The following ZNF682 variants were observed in gnomAD, a reference collection of about 807,000 sequenced individuals.
The protein encoded by ZNF682 is zinc finger protein 682.
ZNF682 carries 29 observed loss-of-function variants against 36.5 expected under a neutral mutation model. The ratio of observed to expected loss-of-function variants is 0.80; its 90% CI spans 0.59 to 1.08. ZNF682 has a LOEUF of 1.08. ZNF682 is among the 50% of genes least tolerant of loss of function. The pLI, the probability that ZNF682 is intolerant of heterozygous loss-of-function variation, is 0.00. For missense variants in ZNF682, 561 were observed against 579.7 expected (o/e 0.97, Z 0.33); for synonymous variants, 180 against 197.0 (o/e 0.91, Z 0.72).
intron 3 of ZNF682, among the ~76,000 whole-genome samples, chr19:20,009,193 A>G (rs2088259365): frequency 6.6e-6 from 1 of 152,182 alleles, no homozygotes; most frequent in Non-Finnish European, 1.5e-5. Flanking sequence ...CACAACTTTA[A>G]AAGTTGAAAA....
chr19:20,030,799 C>A (rs749498125), intron 1 of ZNF682: 1 of 152,180 alleles, frequency 6.6e-6, no homozygotes, highest in Non-Finnish European at 1.5e-5. Context: ...TTTTTCTAAT[C>A]GCCATATGAA....
chr19:20,006,898 T>C lies in ZNF682; in HGVS notation c.604A>G (p.Ile202Val), dbSNP rs754869511. Reference protein sequence around the residue: ...KIIHTEEKLCICEECGKTFKW... With the variant: ...KIIHTEEKLCVCEECGKTFKW... ...AAGGTTTTGCCACATTCCTCACATA[T>C]GCAGAGTTTCTCTTCAGTGTGAATT... Residue 202 changes from isoleucine to valine, a missense_variant, in exon 4 of 4, where the codon ATA becomes GTA. Ile to Val is a conservative substitution (Grantham distance 29). Coordinates refer to ENST00000397165, the MANE Select transcript of ZNF682 (RefSeq NM_033196.3). 8 of 1,614,080 alleles carry C rather than the reference T, an allele frequency of 5.0e-6. No individual in the cohort carries two copies. Among genetic ancestry groups the C allele is most frequent in the South Asian group, 3.3e-5 (3 of 91,070 alleles).
At chr19:20,012,444 G>C (rs961960224) in intron 3 of ZNF682, among the ~76,000 whole-genome samples, 1 of 152,160 alleles carries the variant, frequency 6.6e-6, no homozygotes, top group Non-Finnish European at 1.5e-5. Flanking sequence ...CTATGCATCT[G>C]ACAAGGAACT....
chr19:20,034,707 A>G (rs888692517), intron 1 of ZNF682, among the ~76,000 whole-genome samples: 1 of 151,022 alleles, frequency 6.6e-6, no homozygotes, highest in Non-Finnish European at 1.5e-5. Context: ...TGGGAGGCAG[A>G]GGTTGCGGTG....
chr19:20,026,873 T>C (rs944535206), intron 1 of ZNF682, among the ~76,000 whole-genome samples: 1 of 152,238 alleles, frequency 6.6e-6, no homozygotes, highest in East Asian at 1.9e-4. Context: ...CTCTGATATA[T>C]AAAAGAGAAG....
At chr19:20,030,993 C>T (rs1487156192) in intron 1 of ZNF682, 1 of 152,164 alleles carries the variant, frequency 6.6e-6, no homozygotes, top group Non-Finnish European at 1.5e-5. Context: ...TCAGCCTCAC[C>T]CCAGTCTGCA....
chr19:20,035,721 A>G (rs1331477736), intron 1 of ZNF682, among the ~76,000 whole-genome samples: 1 of 119,774 alleles, frequency 8.3e-6, no homozygotes, highest in East Asian at 2.2e-4. Context: ...TATATTCACT[A>G]TTGTACAAAA....
chr19:20,038,382 T>C (rs1267652562), intron 1 of ZNF682, among the ~76,000 whole-genome samples: 1 of 152,118 alleles, frequency 6.6e-6, no homozygotes, highest in Non-Finnish European at 1.5e-5. Flanking sequence ...GACTAATAGT[T>C]GATAATGTTG....
chr19:20,001,852 A>G (rs1438845455), downstream of ZNF682, among the ~76,000 whole-genome samples: 2 of 152,174 alleles, frequency 1.3e-5, no homozygotes, highest in African/African-American at 2.4e-5. Flanking sequence ...CACAAGCTTA[A>G]TTACCTCTTT....
At chr19:20,032,276 A>G (rs543805219) in intron 1 of ZNF682, among the ~76,000 whole-genome samples, 2 of 152,336 alleles carry the variant, frequency 1.3e-5, no homozygotes, top group African/African-American at 4.8e-5. Flanking sequence ...CAGGAGGAGG[A>G]AAAGAACATT....
Position 20,006,538 on chromosome 19 carries a change from A to C in ZNF682, c.964T>G (p.Phe322Val). 6.2e-7 allele frequency: 1 copy of C among 1,614,068 alleles called. No homozygotes were observed. Among genetic ancestry groups the C allele is most frequent in the Non-Finnish European group, 8.5e-7 (1 of 1,180,004 alleles). ...PYKCKECGKA[F>V]NHCSLLTIHE... The stretch of plus-strand genomic sequence containing the variant: ...ATAGTAAGTAGTGAGCAGTGGTTAA[A>C]GGCTTTCCCACATTCTTTACATTTG... Residue 322 changes from phenylalanine to valine, a missense_variant, in exon 4 of 4, where the codon TTT (phenylalanine) becomes GTT (valine). Physicochemically the swap from Phe to Val is conservative, Grantham distance 50. Transcript: ENST00000397165.
chr19:20,002,195 G>C (rs1314984844), downstream of ZNF682, among the ~76,000 whole-genome samples: 1 of 151,858 alleles, frequency 6.6e-6, no homozygotes, highest in Non-Finnish European at 1.5e-5. Flanking sequence ...CGATTCCCCT[G>C]CCTCAACCTC....
At chr19:20,018,861 T>A (rs1306082089) in intron 3 of ZNF682, among the ~76,000 whole-genome samples, 1 of 152,166 alleles carries the variant, frequency 6.6e-6, no homozygotes, top group Non-Finnish European at 1.5e-5. Flanking sequence ...TTTTCTTAGC[T>A]CTGAAATCAA....
chr19:20,012,955 A>G (rs938410959), intron 3 of ZNF682, among the ~76,000 whole-genome samples: 1 of 152,088 alleles, frequency 6.6e-6, no homozygotes, highest in Non-Finnish European at 1.5e-5. Context: ...AAATGGCAAT[A>G]GTAACCCCTT....
intron 3 of ZNF682, 21 bp from the exon 4 acceptor site, chr19:20,007,296 A>G (rs1300943474): frequency 1.3e-6 from 2 of 1,567,712 alleles, no homozygotes; most frequent in East Asian, 4.5e-5. Context: ...AAATTAACAA[A>G]ATATCCCACT....
intron 1 of ZNF682, among the ~76,000 whole-genome samples, chr19:20,038,481 C>T (rs906880564): frequency 6.6e-6 from 1 of 151,998 alleles, no homozygotes; most frequent in Admixed American, 6.6e-5. Context: ...TAGGCTGGGG[C>T]AACAGAGTGG....
chr19:20,035,382 C>T (rs1165534019), intron 1 of ZNF682, among the ~76,000 whole-genome samples: 2 of 151,914 alleles, frequency 1.3e-5, no homozygotes, highest in Admixed American at 1.3e-4. Flanking sequence ...CCCACCACCA[C>T]GCCAAGCAAA....
chr19:20,034,774 C>CAA (rs34063491), intron 1 of ZNF682, among the ~76,000 whole-genome samples: 10 of 134,180 alleles, frequency 7.5e-5, no homozygotes, highest in South Asian at 2.4e-4. Context: ...AACTCCATCT[C>CAA]AAAAAAAAAA....
In ZNF682 at chr19:20,006,953, T is replaced by G; in HGVS notation, c.549A>C (p.Lys183Asn). 6.2e-7 allele frequency: 1 copy of G among 1,613,232 alleles called. No individual in the cohort carries two copies. The highest frequency in any genetic ancestry group is 8.5e-7 in the Non-Finnish European group (1 of 1,179,428). ...TATGATAAGAAAGGCCTGAGTGAGA[T>G]TTAAAGACTTTGCCACATTGCATAC... ...FKCMQCGKVF[K>N]SHSGLSYHKI... is the part of the protein sequence containing the mutation. Residue 183 changes from lysine (K) to asparagine (N), a missense_variant, in exon 4 of 4, where the codon AAA becomes AAC. By Grantham distance (94) the Lys-to-Asn change is moderately conservative. Transcript: ENST00000397165.
Sources: allele counts gnomAD v4.1 joint callset (sites outside exome capture counted in the v4.1 genomes callset), GRCh38; gene constraint gnomAD v4.1.1; transcripts MANE v1.5; gene names NCBI Gene and HGNC (gene_info 2026-07-23, HGNC 2026-07-21).